The following RPS7 variants were observed in gnomAD, a reference collection of about 807,000 sequenced individuals.
RPS7 encodes ribosomal protein S7.
RPS7 carries 1 observed loss-of-function variant against 22.1 expected under a neutral mutation model. The observed-to-expected ratio is 0.05, with a 90% CI of 0.02 to 0.21. The LOEUF is 0.21. Among genes scored for constraint, RPS7 ranks in the 10% least tolerant of loss-of-function variants. RPS7 has a pLI of 1.00. For missense variants in RPS7, 137 were observed against 246.4 expected (o/e 0.56, Z 2.97); for synonymous variants, 80 against 92.0 (o/e 0.87, Z 0.74).
chr2:3,579,791 A>T (rs889527372), intron 5 of RPS7: 3 of 436,982 alleles, frequency 6.9e-6, no homozygotes, highest in African/African-American at 6.0e-5. Context: ...AAGTGAAAAT[A>T]AAGATGTATA....
chr2:3,577,551 G>C lies in RPS7; in HGVS notation c.292-159G>C. 1.4e-5 allele frequency: 9 copies of C among 642,452 alleles called. No homozygotes were observed. In the South Asian group the frequency reaches 1.7e-4, roughly 12 times the overall value. 39.8% of individuals were successfully genotyped at this position (642,452 alleles called of 1,614,324 possible). ...AGAATCAGGAAGTAACTCCATAGAA[G>C]GGTTTGCTCAGTCAATTGTTCGTCT... On this transcript the variant is annotated intron_variant, in intron 4 of 6. Transcript: ENST00000645674.
chr2:3,575,378 A>C, intron 1 of RPS7, 28 bp downstream of exon 1: 1 of 564,206 alleles, frequency 1.8e-6, no homozygotes, highest in South Asian at 2.1e-5. Flanking sequence ...TCTCCGACAG[A>C]ACTTTTCTTC....
intron 5 of RPS7, chr2:3,578,484 A>AT (rs1365811477): frequency 6.6e-6 from 1 of 152,112 alleles, no homozygotes; most frequent in Non-Finnish European, 1.5e-5. Flanking sequence ...GGCTGGGATA[A>AT]TTTGCTGATT....
chr2:3,576,781 T>C, intron 4 of RPS7, 151 bp downstream of exon 4: 1 of 1,005,760 alleles, frequency 9.9e-7, no homozygotes, highest in Non-Finnish European at 1.6e-6. Context: ...GCGCCGTGGC[T>C]TAGGCCTGTA....
intron 4 of RPS7, chr2:3,577,269 G>T (rs1661300872): frequency 5.6e-6 from 1 of 179,902 alleles, no homozygotes; most frequent in African/African-American, 2.4e-5. Flanking sequence ...CCGGGAGGTG[G>T]AGCTTGCAGT....
chr2:3,576,359 A>G (rs1210058577), intron 3 of RPS7, 128 bp from the exon 4 acceptor site: 19 of 832,378 alleles, frequency 2.3e-5, no homozygotes, highest in Non-Finnish European at 3.8e-5. Context: ...TTTATGATTA[A>G]CTCAAAACTA....
chr2:3,578,359 C>T (rs971962829), intron 5 of RPS7: 2 of 152,578 alleles, frequency 1.3e-5, no homozygotes, highest in African/African-American at 4.8e-5. Flanking sequence ...TATTAAATCC[C>T]TGTGGACTCT....
intron 2 of RPS7, 49 bp from the exon 3 acceptor site, chr2:3,575,768 G>C (rs746631359): frequency 3.1e-6 from 5 of 1,596,850 alleles, no homozygotes; most frequent in Non-Finnish European, 4.3e-6. Context: ...TGGGCCCGGG[G>C]TGCTCGGACG....
Position 3,580,265 on chromosome 2 carries a change from T to C in RPS7, c.507+5T>C. On this transcript the variant is annotated splice_donor_5th_base_variant and intron_variant, in intron 6 of 6. Coordinates refer to ENST00000645674, the MANE Select transcript of RPS7 (RefSeq NM_001011.4). Reference sequence around the variant, plus strand: ...CAGAACAATGTGGAACACAAGGTAATAGGTCAACATTTTATCATGGAAAGG... The same window carrying C: ...CAGAACAATGTGGAACACAAGGTAACAGGTCAACATTTTATCATGGAAAGG... The C allele has an allele frequency of 6.2e-7, 1 of 1,612,550 alleles. No individual in the cohort carries two copies. The highest frequency in any genetic ancestry group is 8.5e-7 in the Non-Finnish European group (1 of 1,178,944).
chr2:3,577,833 T>G (rs1661319914), intron 5 of RPS7, 59 bp downstream of exon 5: 2 of 1,143,746 alleles, frequency 1.7e-6, no homozygotes, highest in Admixed American at 3.6e-5. Flanking sequence ...ACTCTTAATT[T>G]GTTTAAGTTG....
At chr2:3,578,007 T>G (rs1661323229) in intron 5 of RPS7, 1 of 558,374 alleles carries the variant, frequency 1.8e-6, no homozygotes, top group South Asian at 2.1e-5. Context: ...GATGAGATGA[T>G]TTCCTCCGAT....
intron 5 of RPS7, chr2:3,578,323 T>G (rs1372454155): frequency 6.5e-6 from 1 of 154,462 alleles, no homozygotes; most frequent in African/African-American, 2.4e-5. Context: ...AGTCTCTGAT[T>G]AGTATGTTGT....
chr2:3,577,159 C>A (rs1028167233), intron 4 of RPS7: 1 of 191,940 alleles, frequency 5.2e-6, no homozygotes, highest in Admixed American at 5.4e-5. Context: ...CACGGTGAAA[C>A]CCCGTCTGTA....
chr2:3,578,700 T>C (rs911916651), intron 5 of RPS7: 4 of 152,180 alleles, frequency 2.6e-5, no homozygotes, highest in Admixed American at 2.6e-4. Context: ...CATAAGAATT[T>C]AGGATTTTTT....
intron 4 of RPS7, 56 bp from the exon 5 acceptor site, chr2:3,577,654 T>G (rs940539187): frequency 1.5e-6 from 2 of 1,325,604 alleles, no homozygotes; most frequent in African/African-American, 3.0e-5. Flanking sequence ...AGTTACAGCT[T>G]TTTGTCAATT....
intron 5 of RPS7, chr2:3,578,511 G>A (rs769486409): frequency 3.3e-5 from 5 of 152,158 alleles, no homozygotes; most frequent in African/African-American, 4.8e-5. Flanking sequence ...AGTACTAGTA[G>A]TGCTAAGAAT....
intron 4 of RPS7, chr2:3,577,031 A>G: frequency 3.5e-6 from 1 of 284,130 alleles, no homozygotes; most frequent in Non-Finnish European, 6.9e-6. Context: ...TACATAGATG[A>G]TCAAACTAAG....
intron 4 of RPS7, chr2:3,577,164 T>A (rs1661297411): frequency 5.3e-6 from 1 of 188,826 alleles, no homozygotes; most frequent in African/African-American, 2.4e-5. Context: ...TGAAACCCCG[T>A]CTGTACTAAA....
chr2:3,578,338 C>T (rs369412469), intron 5 of RPS7: 2 of 153,358 alleles, frequency 1.3e-5, no homozygotes, highest in East Asian at 3.8e-4. Context: ...TGTTGTTTTA[C>T]AAATGTGAAC....
Sources: allele counts gnomAD v4.1 joint callset, GRCh38; gene constraint gnomAD v4.1.1; transcripts MANE v1.5; gene names NCBI Gene and HGNC (gene_info 2026-07-23, HGNC 2026-07-21).